Variants in ARHGEF39 observed in about 807,000 individuals in gnomAD.
ARHGEF39 encodes the protein Rho guanine nucleotide exchange factor 39, also known as Rho guanine nucleotide exchange factor (GEF) 39.
A neutral mutation model predicts 47.5 loss-of-function variants in ARHGEF39; 45 were observed. The ratio of observed to expected loss-of-function variants is 0.95; its 90% confidence interval spans 0.75 to 1.22. ARHGEF39 has a LOEUF of 1.22. ARHGEF39 is among the 50% of genes most tolerant of loss of function. ARHGEF39 has a pLI of 0.00. For synonymous variants in ARHGEF39, 164 were observed against 167.8 expected, an observed-to-expected ratio of 0.98 and a Z score of 0.17; for missense variants, 411 against 425.3, an observed-to-expected ratio of 0.97 and a Z score of 0.30.
chr9:35,665,149 A>G lies in ARHGEF39; in HGVS notation c.21T>C (p.Gly7=). ...GCTGCTCTTGCACCGGGCACCGCGA[A>G]CCGGGGCAGGAGAGCTCCATGCCCT... The part of the protein sequence containing the change: MELSCP[G]SRCPVQEQRA... The change falls in exon 1 of 9, where the codon GGT becomes GGC. Residue 7 remains glycine, a synonymous_variant. Coordinates refer to ENST00000378387, the MANE Select transcript of ARHGEF39 (RefSeq NM_032818.3). 6.5e-7 allele frequency: 1 copy of G among 1,538,884 alleles called. No individual in the cohort carries two copies. Among genetic ancestry groups the G allele is most frequent in the East Asian group, 2.5e-5 (1 of 40,778 alleles).
chr9:35,663,620 G>A (rs1370684180), intron 4 of ARHGEF39, among the ~76,000 whole-genome samples: 1 of 152,114 alleles, frequency 6.6e-6, no homozygotes, highest in Admixed American at 6.5e-5. Flanking sequence ...TACTTCAGGA[G>A]GCCAGATTGG....
Position 35,662,273 on chromosome 9 carries a change from G to T in ARHGEF39, c.904-6C>A, listed in dbSNP as rs375320699. ...TTCTCATGAGGGAAGGACAGCTAGA[G>T]AGAGACCACCTCTTAGCGCATGGCT... On this transcript the variant is annotated splice_polypyrimidine_tract_variant and splice_region_variant and intron_variant, in intron 7 of 8. Transcript: ENST00000378387. 1.9e-5 allele frequency: 31 copies of T among 1,612,434 alleles called. No homozygotes were observed. The African/African-American group carries it at 3.7e-4, about 19-fold the overall frequency.
At position 35,663,993 on chromosome 9, in the gene ARHGEF39, CAA is replaced by C. The variant is rs1824107301; in HGVS notation, c.473+13_473+14del. The C allele has an allele frequency of 6.2e-7, 1 of 1,609,324 alleles. No homozygotes were observed. The highest frequency in any genetic ancestry group is 1.1e-5 in the South Asian group (1 of 90,990). The stretch of plus-strand genomic sequence containing the variant: ...ACTAAAAGAGAGAGGCGGCTGGAAT[CAA>C]GAGTTCACTCACTGCTGGAGCCGTT... On this transcript the variant is annotated intron_variant, in intron 4 of 8. Coordinates refer to ENST00000378387, the MANE Select transcript of ARHGEF39 (RefSeq NM_032818.3).
intron 4 of ARHGEF39, 26 bp downstream of exon 4, chr9:35,663,982 G>A: frequency 5.6e-6 from 9 of 1,599,306 alleles, no homozygotes; most frequent in South Asian, 1.1e-5. Flanking sequence ...AAAGAGAGAG[G>A]CGGCTGGAAT....
Position 35,662,217 on chromosome 9 carries a change from C to A in ARHGEF39, c.954G>T (p.Glu318Asp), listed in dbSNP as rs146744438. 4.5e-5 allele frequency: 73 copies of A among 1,614,208 alleles called. No homozygotes were observed. The highest frequency in any genetic ancestry group is 1.3e-4 in the Admixed American group (8 of 60,026). Reference protein sequence around the residue: ...KLLLMSTDQEELSRWYHSLTW... With the variant: ...KLLLMSTDQEDLSRWYHSLTW... ...TCAGACTGTGGTACCAGCGTGACAG[C>A]TCCTCCTGGTCTGTGGACATAAGCA... Residue 318 changes from glutamate (E) to aspartate (D), a missense_variant, in exon 8 of 9, where the codon GAG becomes GAT. By Grantham distance (45) the Glu-to-Asp change is conservative (BLOSUM62 2). Coordinates refer to ENST00000378387, the MANE Select transcript of ARHGEF39 (RefSeq NM_032818.3).
In ARHGEF39 at chr9:35,662,936, G is replaced by C. The variant is rs1245482002; in HGVS notation, c.673+10C>G. ...GCAGTTGAGGATTGAAGGGGAAGTA[G>C]GCAAGCTACCTGAGGTCAGCCCCTT... On this transcript the variant is annotated intron_variant, in intron 6 of 8. Transcript: ENST00000378387. 2 of 1,605,500 alleles carry C rather than the reference G, an allele frequency of 1.2e-6. No individual in the cohort carries two copies. The highest frequency in any genetic ancestry group is 1.3e-5 in the African/African-American group (1 of 74,864).
At chr9:35,663,184 GA>G in intron 5 of ARHGEF39, 110 bp from the exon 6 acceptor site, 1 of 1,578,720 alleles carries the variant, frequency 6.3e-7, no homozygotes, top group Middle Eastern at 1.7e-4. Context: ...ACTTCTTGAA[GA>G]AAAGGCAGAG....
intron 5 of ARHGEF39, 91 bp downstream of exon 5, chr9:35,663,231 G>C (rs10814266): frequency 0.35 from 548,693 of 1,554,874 alleles, 101,187 homozygotes; most frequent in East Asian, 0.45. Context: ...GTGGAAGATA[G>C]GGTCATACCA....
Position 35,665,113 on chromosome 9 carries a change from C to G in ARHGEF39, c.57G>C (p.Trp19Cys). The change falls in exon 1 of 9, where the codon TGG (tryptophan) becomes TGC (cysteine). Residue 19 changes from tryptophan (W) to cysteine (C), a missense_variant. Transcript: ENST00000378387. ...RCPVQEQRAR[W>C]ERKRACTARE... ...GGGCGGTGCAGGCGCGTTTCCGCTC[C>G]CAGCGGGCACGCTGCTCTTGCACCG... is the stretch of plus-strand genomic sequence containing the variant. 6.5e-7 allele frequency: 1 copy of G among 1,548,324 alleles called. No individual in the cohort carries two copies. The highest frequency in any genetic ancestry group is 8.7e-7 in the Non-Finnish European group (1 of 1,146,460).
intron 4 of ARHGEF39, among the ~76,000 whole-genome samples, 163 bp downstream of exon 4, chr9:35,663,845 A>G (rs755914489): frequency 6.6e-6 from 1 of 152,154 alleles, no homozygotes; most frequent in Non-Finnish European, 1.5e-5. Flanking sequence ...GACCCTGGGT[A>G]CTCCAATGGG....
chr9:35,661,194 G>A lies in ARHGEF39; in HGVS notation c.*793C>T, dbSNP rs1270335063. ...ACAAAGTCTGTTTTCATGATGGAGT[G>A]CTCCTGTGTGTTTTTTCGATCCTAG... On this transcript the variant is annotated 3_prime_UTR_variant, in exon 9 of 9. Transcript: ENST00000378387. The A allele has an allele frequency of 1.3e-6, 2 of 1,577,784 alleles. No individual in the cohort carries two copies. Among genetic ancestry groups the A allele is most frequent in the South Asian group, 2.3e-5 (2 of 85,320 alleles).
chr9:35,661,073 G>A lies in ARHGEF39; in HGVS notation c.*914C>T. On this transcript the variant is annotated 3_prime_UTR_variant, in exon 9 of 9. Transcript: ENST00000378387. ...ACCTAGCTACTTCCTGGGAGGTGGG[G>A]CGGGGACTACGGAGAAGGTGCAGCC... 6.2e-7 allele frequency: 1 copy of A among 1,614,202 alleles called. No individual in the cohort carries two copies. Among genetic ancestry groups the A allele is most frequent in the Non-Finnish European group, 8.5e-7 (1 of 1,180,036 alleles).
At position 35,664,767 on chromosome 9, in the gene ARHGEF39, G is replaced by A; in HGVS notation, c.222C>T (p.Tyr74=). The A allele has an allele frequency of 4.3e-6, 7 of 1,612,546 alleles. No homozygotes were observed. Among genetic ancestry groups the A allele is most frequent in the South Asian group, 1.1e-5 (1 of 91,034 alleles). The change falls in exon 2 of 9, where the codon TAC becomes TAT. Residue 74 remains tyrosine (Y), a synonymous_variant. Coordinates refer to ENST00000378387, the MANE Select transcript of ARHGEF39 (RefSeq NM_032818.3). ...CCCCTTCCACTCACTGGCTGGCGCC[G>A]TAGATGAGCTCCCAGGAGCCAAACA... ...QALFGSWELI[Y]GASQELLPYL...
chr9:35,662,327 C>G lies in ARHGEF39; in HGVS notation c.904-60G>C, dbSNP rs962916833. 27 of 1,538,390 alleles carry G rather than the reference C, an allele frequency of 1.8e-5. No individual in the cohort carries two copies. The Middle Eastern group carries it at 6.8e-4, about 39-fold the overall frequency. ...AAAGGTCCAGGCTAAAGCTGAAGCCCTTGCTGTTTCCATGGAGCTAATTCA... is the reference window on the plus strand; with the variant it reads ...AAAGGTCCAGGCTAAAGCTGAAGCCGTTGCTGTTTCCATGGAGCTAATTCA... On this transcript the variant is annotated intron_variant, in intron 7 of 8. Coordinates refer to ENST00000378387, the MANE Select transcript of ARHGEF39 (RefSeq NM_032818.3).
intron 1 of ARHGEF39, 46 bp downstream of exon 1, chr9:35,664,986 C>A: frequency 6.6e-7 from 1 of 1,513,040 alleles, no homozygotes; most frequent in East Asian, 2.4e-5. Flanking sequence ...CCTCCCACAC[C>A]CTGGGGTCCC....
Position 35,660,225 on chromosome 9 carries a change from C to T in ARHGEF39, c.*1762G>A, listed in dbSNP as rs190298739. 6 of 578,626 alleles carry T rather than the reference C, an allele frequency of 1.0e-5. No individual in the cohort carries two copies. Among genetic ancestry groups the T allele is most frequent in the African/African-American group, 7.5e-5 (4 of 53,074 alleles). The allele number at this position is 578,626 out of a possible 1,614,324, so 35.8% of individuals were successfully genotyped here. A position where few individuals can be genotyped will look rare whatever the true frequency, so the allele number is the denominator to read the frequency against. On this transcript the variant is annotated 3_prime_UTR_variant, in exon 9 of 9. Transcript: ENST00000378387. Reference sequence around the variant, plus strand: ...AACTGACCATGTGTGGGACATAGGACGTCGCTTCATATGCTGGGTGAGGAG... The same window carrying T: ...AACTGACCATGTGTGGGACATAGGATGTCGCTTCATATGCTGGGTGAGGAG...
At chr9:35,663,884 A>G (rs1824101851) in intron 4 of ARHGEF39, 124 bp downstream of exon 4, 1 of 1,018,336 alleles carries the variant, frequency 9.8e-7, no homozygotes, top group East Asian at 2.4e-5. Context: ...AAAGGTTTTT[A>G]GAAGCAATTT....
rs1199534720 is a variant in ARHGEF39 at position 35,661,074 on chromosome 9, C to G, written c.*913G>C. Reference sequence around the variant, plus strand: ...CCTAGCTACTTCCTGGGAGGTGGGGCGGGGACTACGGAGAAGGTGCAGCCA... The same window carrying G: ...CCTAGCTACTTCCTGGGAGGTGGGGGGGGGACTACGGAGAAGGTGCAGCCA... On this transcript the variant is annotated 3_prime_UTR_variant, in exon 9 of 9. Transcript: ENST00000378387. The G allele has an allele frequency of 6.2e-7, 1 of 1,614,102 alleles. No homozygotes were observed. The highest frequency in any genetic ancestry group is 2.2e-5 in the East Asian group (1 of 44,882).
rs971248927 is a variant in ARHGEF39 at position 35,662,037 on chromosome 9, A to G, written c.993-35T>C. ...GAAGACAGTCAGTTCAGGCACTGGT[A>G]TGAGTGCTTTATTCAGACAAAATCA... On this transcript the variant is annotated intron_variant, in intron 8 of 8. Coordinates refer to ENST00000378387, the MANE Select transcript of ARHGEF39 (RefSeq NM_032818.3). 4.3e-6 allele frequency: 7 copies of G among 1,613,316 alleles called. No homozygotes were observed. The African/African-American group carries it at 9.3e-5, about 22-fold the overall frequency.
Sources: gnomAD v4.1 joint callset for allele counts (sites outside exome capture counted in the v4.1 genomes callset) on GRCh38, gnomAD v4.1.1 for gene constraint, MANE v1.5 for transcripts, NCBI Gene and HGNC (gene_info 2026-07-23, HGNC 2026-07-21) for gene names.